SPNS3: variants seen among roughly 807,000 people sequenced by gnomAD.
SPNS3 encodes the protein SPNS lysolipid transporter 3, sphingosine-1-phosphate (putative).
A neutral mutation model predicts 54.4 loss-of-function variants in SPNS3; 51 were observed. The ratio of observed to expected loss-of-function variants is 0.94; its 90% CI spans 0.75 to 1.18. The LOEUF (loss-of-function observed/expected upper bound fraction) is 1.18, where lower values mean the gene tolerates loss of function less well. Among genes scored for constraint, SPNS3 ranks in the 50% most tolerant of loss-of-function variants. SPNS3 has a pLI of 0.00. For missense variants in SPNS3, 669 were observed against 677.4 expected (o/e 0.99, Z 0.14); for synonymous variants, 309 against 294.7 (o/e 1.05, Z -0.50).
intron 8 of SPNS3, among the ~76,000 whole-genome samples, chr17:4,467,993 C>CA: frequency 6.6e-6 from 1 of 152,248 alleles, no homozygotes; most frequent in Middle Eastern, 3.4e-3. Flanking sequence ...TTTTATTGGC[C>CA]AAAGCAAGGT....
rs1464622907 is a variant in SPNS3, at chr17:4,444,608, A to G, written c.266-424A>G. Among the ~76,000 whole-genome samples the G allele has an allele frequency of 2.0e-5, 3 of 151,994 alleles. No homozygotes were observed. The East Asian group carries it at 5.8e-4, about 29-fold the overall frequency. On this transcript the variant is annotated intron_variant, in intron 2 of 11. Coordinates refer to ENST00000355530, the MANE Select transcript of SPNS3 (RefSeq NM_182538.5). ...CTCTTTCCCTGCTCCCCGTTGCCCC[A>G]GTAGGTGCATGAATGAAAAATCAGA...
At chr17:4,482,774 C>G (rs1308975636) in intron 9 of SPNS3, among the ~76,000 whole-genome samples, 1 of 152,202 alleles carries the variant, frequency 6.6e-6, no homozygotes, top group Admixed American at 6.5e-5. Flanking sequence ...TCAGCTCCCT[C>G]CCAGCCCTGC....
At chr17:4,487,167 CAAAAAA>C (rs35822922) in intron 11 of SPNS3, among the ~76,000 whole-genome samples, 11 of 70,488 alleles carry the variant, frequency 1.6e-4, no homozygotes, top group Non-Finnish European at 2.1e-4. Flanking sequence ...AAGACTGTCT[CAAAAAA>C]AAAAAAAAAA....
intron 11 of SPNS3, among the ~76,000 whole-genome samples, 199 bp from the exon 12 acceptor site, chr17:4,487,607 A>G (rs952210926): frequency 3.9e-5 from 6 of 152,262 alleles, no homozygotes; most frequent in African/African-American, 1.4e-4. Flanking sequence ...GCCGAGAGGC[A>G]TAGCCGACTC....
At chr17:4,470,257 C>A (rs878864108) in intron 8 of SPNS3, among the ~76,000 whole-genome samples, 1 of 151,806 alleles carries the variant, frequency 6.6e-6, no homozygotes, top group African/African-American at 2.4e-5. Context: ...GGTGAAACCC[C>A]GTCTCTACTA....
intron 4 of SPNS3, 151 bp from the exon 5 acceptor site, chr17:4,446,745 C>T (rs952087845): frequency 1.2e-5 from 8 of 689,682 alleles, no homozygotes; most frequent in African/African-American, 5.3e-5. Flanking sequence ...CTGGGCCTCA[C>T]GTGGCTTACT....
In SPNS3 at chr17:4,468,795, CTT is replaced by C. The variant is rs1174872321; in HGVS notation, c.1114-9766_1114-9765del. Among the ~76,000 whole-genome samples, 413 of 107,748 alleles carry C rather than the reference CTT, an allele frequency of 3.8e-3. 2 individuals carry two copies. Among genetic ancestry groups the C allele is most frequent in the African/African-American group, 0.013 (392 of 30,620 alleles). The allele number at this position is 107,748 out of a possible 152,430, so 70.7% of individuals were successfully genotyped here. A position where few individuals can be genotyped will look rare whatever the true frequency, so the allele number is the denominator to read the frequency against. On this transcript the variant is annotated intron_variant, in intron 8 of 11. Transcript: ENST00000355530. ...TTTTTCTTTCTTTCTCTCTCTCTTT[CTT>C]TTTTTTTTTTGACGGAGTTTTGCTC...
chr17:4,460,459 T>C (rs1449994360), intron 8 of SPNS3, among the ~76,000 whole-genome samples: 1 of 137,126 alleles, frequency 7.3e-6, no homozygotes, highest in Admixed American at 7.9e-5. Flanking sequence ...TGAGACAGAG[T>C]CTCACTCTGT....
chr17:4,469,026 G>A lies in SPNS3; in HGVS notation c.1114-9546G>A, dbSNP rs200280601. Among the ~76,000 whole-genome samples, 33 of 152,030 alleles carry A rather than the reference G, an allele frequency of 2.2e-4. No homozygotes were observed. The East Asian group carries it at 4.6e-3, about 21-fold the overall frequency. ...TGGTCTCGAACTCCTGACCTCAGGTGATCTGCCCACCTCAGCCTCCCAAAG... is the reference window on the plus strand; with the variant it reads ...TGGTCTCGAACTCCTGACCTCAGGTAATCTGCCCACCTCAGCCTCCCAAAG... On this transcript the variant is annotated intron_variant, in intron 8 of 11. Coordinates refer to ENST00000355530, the MANE Select transcript of SPNS3 (RefSeq NM_182538.5).
At chr17:4,439,314 G>A (rs1480858262) in intron 1 of SPNS3, among the ~76,000 whole-genome samples, 5 of 152,182 alleles carry the variant, frequency 3.3e-5, no homozygotes, top group East Asian at 1.9e-4. Flanking sequence ...TAGTAGAGAC[G>A]GGGTTTCACC....
rs569144035 is a variant in SPNS3, at chr17:4,473,014, C to G, written c.1114-5558C>G. Among the ~76,000 whole-genome samples the G allele has an allele frequency of 1.4e-4, 21 of 152,006 alleles. No homozygotes were observed. In the South Asian group the frequency reaches 4.0e-3, roughly 29 times the overall value. ...ATGTTGTCCAGGCTGGTCTTGAACT[C>G]CTGGGCTCAAGCAATCCTCCTGCCT... On this transcript the variant is annotated intron_variant, in intron 8 of 11. Transcript: ENST00000355530.
Position 4,453,002 on chromosome 17 carries a change from C to A in SPNS3, c.924-14C>A. The A allele has an allele frequency of 6.2e-7, 1 of 1,609,882 alleles. No homozygotes were observed. The highest frequency in any genetic ancestry group is 8.5e-7 in the Non-Finnish European group (1 of 1,177,534). ...CACCCAGCTGACCAACCCTTCTGTG[C>A]TCTTCCCCATCAGCCTGATTTTTGG... is the stretch of plus-strand genomic sequence containing the variant. On this transcript the variant is annotated splice_polypyrimidine_tract_variant and intron_variant, in intron 7 of 11. Coordinates refer to ENST00000355530, the MANE Select transcript of SPNS3 (RefSeq NM_182538.5).
intron 9 of SPNS3, among the ~76,000 whole-genome samples, chr17:4,485,731 G>A (rs550647208): frequency 2.0e-5 from 3 of 152,280 alleles, no homozygotes; most frequent in African/African-American, 7.2e-5. Context: ...AGCCTTGTCC[G>A]TGGAGTCGTG....
At chr17:4,442,323 G>A (rs373403358) in intron 2 of SPNS3, among the ~76,000 whole-genome samples, 15,955 of 151,586 alleles carry the variant, frequency 0.11, 988 homozygotes, top group African/African-American at 0.18. Context: ...ACCTGAGGTC[G>A]GGAGTTTGAG....
chr17:4,471,112 T>C (rs1027623189), intron 8 of SPNS3, among the ~76,000 whole-genome samples: 7 of 152,000 alleles, frequency 4.6e-5, no homozygotes, highest in South Asian at 2.1e-4. Flanking sequence ...TTAGTAGAGA[T>C]AGGGTTTCTC....
At position 4,488,046 on chromosome 17, in the gene SPNS3, G is replaced by A; in HGVS notation, c.*152G>A. ...GCTGGAGAGCTGGCAGGACCCTGTG[G>A]CTGGGCTGGGAATGGAGCTGTCAGC... On this transcript the variant is annotated 3_prime_UTR_variant, in exon 12 of 12. Coordinates refer to ENST00000355530, the MANE Select transcript of SPNS3 (RefSeq NM_182538.5). The A allele has an allele frequency of 4.4e-6, 3 of 685,448 alleles. No individual in the cohort carries two copies. The East Asian group carries it at 8.1e-5, about 19-fold the overall frequency. The allele number at this position is 685,448 out of a possible 1,614,324, so 42.5% of individuals were successfully genotyped here. A position where few individuals can be genotyped will look rare whatever the true frequency, so the allele number is the denominator to read the frequency against.
At chr17:4,445,987 G>A (rs550983152) in intron 3 of SPNS3, 61 bp from the exon 4 acceptor site, 38 of 1,531,874 alleles carry the variant, frequency 2.5e-5, no homozygotes, top group Admixed American at 1.1e-4. Context: ...ACAAACCCTC[G>A]GGTCCCTGGC....
chr17:4,444,220 CT>C (rs201580393), intron 2 of SPNS3, among the ~76,000 whole-genome samples: 128 of 145,968 alleles, frequency 8.8e-4, no homozygotes, highest in Middle Eastern at 3.5e-3. Flanking sequence ...TATGCTTATT[CT>C]TTTTTTTTTT....
chr17:4,444,963 G>A, intron 2 of SPNS3, 69 bp from the exon 3 acceptor site: 1 of 1,539,518 alleles, frequency 6.5e-7, no homozygotes, highest in Non-Finnish European at 8.8e-7. Context: ...TCCTTCCCTG[G>A]GCCTGCTGGG....
Sources: gnomAD v4.1 joint callset for allele counts (sites outside exome capture counted in the v4.1 genomes callset) on GRCh38, gnomAD v4.1.1 for gene constraint, MANE v1.5 for transcripts, NCBI Gene and HGNC (gene_info 2026-07-23, HGNC 2026-07-21) for gene names.